Variants in RADIL observed in about 807,000 individuals in gnomAD.
RADIL encodes ras-associating and dilute domain-containing protein.
In RADIL, 99 loss-of-function variants were observed where a neutral mutation model predicts 97.6. That is an observed-to-expected ratio of 1.01 (90% CI 0.86 to 1.20). RADIL has a LOEUF of 1.20. Ranked by LOEUF, RADIL falls within the 50% of genes most tolerant of loss-of-function variation. The pLI is 0.00. For synonymous variants in RADIL, 803 were observed against 691.8 expected (o/e 1.16, Z -2.52); for missense variants, 1,765 against 1,498.9 (o/e 1.18, Z -2.93).
Position 4,832,174 on chromosome 7 carries a change from T to A in RADIL, c.1421A>T (p.Lys474Ile), listed in dbSNP as rs199960409. The change falls in exon 5 of 15, where the codon AAA (lysine) becomes ATA (isoleucine). Residue 474 changes from lysine to isoleucine, a missense_variant. Physicochemically the swap from Lys to Ile is moderately radical, Grantham distance 102 (BLOSUM62 -3). Coordinates refer to ENST00000399583, the MANE Select transcript of RADIL (RefSeq NM_018059.5). ...CTGCTTCTCTGCTAGTTCTTTGGTT[T>A]TCTCCTACAATTACAAAGCGGGAGA... ...ARLIRETVWE[K>I]TKELAEKQAQ... The A allele has an allele frequency of 9.9e-6, 16 of 1,611,850 alleles. No individual in the cohort carries two copies. The African/African-American group carries it at 2.1e-4, about 22-fold the overall frequency.
In RADIL at chr7:4,814,341, C is replaced by A. The variant is rs181884771; in HGVS notation, c.2139+937G>T. On this transcript the variant is annotated intron_variant, in intron 9 of 14. Transcript: ENST00000399583. The surrounding 1 kb of genome is among the most constrained non-coding windows in gnomAD (Gnocchi z 4.5). Reference sequence around the variant, plus strand: ...GCTTCACTTTTTTTTTCTTTTGAGACAGGGCCTCACTTTGTCGCTCAAGGT... The same window carrying A: ...GCTTCACTTTTTTTTTCTTTTGAGAAAGGGCCTCACTTTGTCGCTCAAGGT... Among the ~76,000 whole-genome samples the A allele has an allele frequency of 1.3e-5, 2 of 151,992 alleles. No individual in the cohort carries two copies. The highest frequency in any genetic ancestry group is 4.8e-5 in the African/African-American group (2 of 41,376).
At chr7:4,800,373 A>G in intron 12 of RADIL, 63 bp from the exon 13 acceptor site, 1 of 1,399,086 alleles carries the variant, frequency 7.1e-7, no homozygotes, top group South Asian at 1.5e-5. Context: ...GAGGAATGGG[A>G]TGTCCTGGCC....
chr7:4,812,077 C>T (rs968341567), intron 9 of RADIL, among the ~76,000 whole-genome samples: 2 of 151,772 alleles, frequency 1.3e-5, no homozygotes, highest in Admixed American at 1.3e-4. Flanking sequence ...ATAGGGGTTC[C>T]ACCATGTTGC....
intron 2 of RADIL, chr7:4,838,113 G>T (rs1292397446): frequency 1.1e-6 from 1 of 946,430 alleles, no homozygotes; most frequent in Non-Finnish European, 1.3e-6. Context: ...GTGCGAGGCT[G>T]CTGGGCTGGG....
intron 2 of RADIL, among the ~76,000 whole-genome samples, chr7:4,866,003 G>C (rs1784122714): frequency 6.6e-6 from 1 of 152,162 alleles, no homozygotes; most frequent in Admixed American, 6.5e-5. Flanking sequence ...ATCTAGGTTT[G>C]TGTAAGTCAC....
intron 4 of RADIL, among the ~76,000 whole-genome samples, chr7:4,832,741 CAAAAAAA>C (rs71032992): frequency 2.9e-4 from 19 of 66,518 alleles, no homozygotes; most frequent in Admixed American, 1.9e-3. Flanking sequence ...TCCGTCTCAG[CAAAAAAA>C]AAAAAAAAAA....
chr7:4,861,720 C>T (rs758239625), intron 2 of RADIL: 2 of 1,544,962 alleles, frequency 1.3e-6, no homozygotes, highest in Non-Finnish European at 1.7e-6. Flanking sequence ...TCCTTGGGGA[C>T]CGCTAGACTG....
intron 2 of RADIL, among the ~76,000 whole-genome samples, chr7:4,847,914 G>A (rs921847516): frequency 2.0e-5 from 3 of 152,080 alleles, no homozygotes; most frequent in Non-Finnish European, 4.4e-5. Context: ...AAAACGTGCC[G>A]GCCGGGTGCA....
At chr7:4,809,411 C>G (rs990825577) in intron 9 of RADIL, 245 of 985,334 alleles carry the variant, frequency 2.5e-4, no homozygotes, top group Non-Finnish European at 2.9e-4. Flanking sequence ...TCGCTGCTGC[C>G]TCCTTTCCGT....
chr7:4,882,572 TCTG>T (rs771742243), intron 1 of RADIL, among the ~76,000 whole-genome samples: 2 of 152,140 alleles, frequency 1.3e-5, no homozygotes, highest in Non-Finnish European at 2.9e-5. Context: ...GAGCGACCTC[TCTG>T]CTCCAACAGG....
At chr7:4,812,813 C>A (rs1005381399) in intron 9 of RADIL, among the ~76,000 whole-genome samples, 2 of 152,144 alleles carry the variant, frequency 1.3e-5, no homozygotes, top group African/African-American at 4.8e-5. Context: ...AGCTCTCATC[C>A]GTCATCTCCT....
At chr7:4,829,018 C>G (rs1029666679) in intron 5 of RADIL, among the ~76,000 whole-genome samples, 1 of 152,208 alleles carries the variant, frequency 6.6e-6, no homozygotes, top group Non-Finnish European at 1.5e-5. Context: ...CCCTCCACAC[C>G]CTGCCTCAAC....
At position 4,872,166 on chromosome 7, in the gene RADIL, C is replaced by T. The variant is rs1784271710; in HGVS notation, c.535+5439G>A. On this transcript the variant is annotated intron_variant, in intron 2 of 14. Coordinates refer to ENST00000399583, the MANE Select transcript of RADIL (RefSeq NM_018059.5). This position sits in a 1 kb window ranked among gnomAD's most constrained non-coding sequence, Gnocchi z 5.8. The stretch of plus-strand genomic sequence containing the variant: ...TGGGCAGGGGCTCGTGTGGCCGAGT[C>T]CAGGCAGCCAGGTCCAATACTGCAG... Among the ~76,000 whole-genome samples the T allele has an allele frequency of 6.6e-6, 1 of 152,144 alleles. No homozygotes were observed. The highest frequency in any genetic ancestry group is 1.5e-5 in the Non-Finnish European group (1 of 68,030).
At chr7:4,848,326 G>T (rs1243989255) in intron 2 of RADIL, among the ~76,000 whole-genome samples, 2 of 151,456 alleles carry the variant, frequency 1.3e-5, no homozygotes, top group South Asian at 2.1e-4. Context: ...TAATTTTATG[G>T]TATAAAAATA....
In RADIL at chr7:4,873,378, A is replaced by T. The variant is rs1300643156; in HGVS notation, c.535+4227T>A. Among the ~76,000 whole-genome samples the T allele has an allele frequency of 6.6e-6, 1 of 152,146 alleles. No homozygotes were observed. The highest frequency in any genetic ancestry group is 1.9e-4 in the East Asian group (1 of 5,192). ...ATGCACACCACACAGACACACACAC[A>T]TGGTCACACGTGCACATCACATCAC... On this transcript the variant is annotated intron_variant, in intron 2 of 14. Coordinates refer to ENST00000399583, the MANE Select transcript of RADIL (RefSeq NM_018059.5). This position sits in a 1 kb window ranked among gnomAD's most constrained non-coding sequence, Gnocchi z 4.3.
intron 5 of RADIL, among the ~76,000 whole-genome samples, chr7:4,826,983 C>A (rs566849140): frequency 6.6e-6 from 1 of 152,222 alleles, no homozygotes; most frequent in African/African-American, 2.4e-5. Flanking sequence ...CATGGACGGG[C>A]ATGGAAAAAT....
chr7:4,801,120 A>G (rs1170781537), intron 12 of RADIL, among the ~76,000 whole-genome samples: 1 of 151,956 alleles, frequency 6.6e-6, no homozygotes, highest in Non-Finnish European at 1.5e-5. Flanking sequence ...AATGCACACC[A>G]TGCAGACACA....
rs554101641 is a variant in RADIL, at chr7:4,827,518, G to A, written c.1454+4623C>T. Among the ~76,000 whole-genome samples, 400 of 151,864 alleles carry A rather than the reference G, an allele frequency of 2.6e-3. 2 individuals are homozygous for A. The highest frequency in any genetic ancestry group is 0.021 in the South Asian group (103 of 4,806). ...CTACTAAAAATACAAAAAATTAGCC[G>A]GGCGTGGTTGCAGGCGCCTGTAGTC... On this transcript the variant is annotated intron_variant, in intron 5 of 14. Coordinates refer to ENST00000399583, the MANE Select transcript of RADIL (RefSeq NM_018059.5).
rs1451560588 is a variant in RADIL at position 4,878,147 on chromosome 7, G to A, written c.-8C>T. Reference sequence around the variant, plus strand: ...GTGCGTCCCATAAAACATGGTGGGTGAGGCTTCATGGATGAGGACTGTGGG... The same window carrying A: ...GTGCGTCCCATAAAACATGGTGGGTAAGGCTTCATGGATGAGGACTGTGGG... On this transcript the variant is annotated 5_prime_UTR_variant, in exon 2 of 15. Coordinates refer to ENST00000399583, the MANE Select transcript of RADIL (RefSeq NM_018059.5). This position sits in a 1 kb window ranked among gnomAD's most constrained non-coding sequence, Gnocchi z 4.1. 1.3e-6 allele frequency: 2 copies of A among 1,534,296 alleles called. No homozygotes were observed. The highest frequency in any genetic ancestry group is 2.0e-5 in the Admixed American group (1 of 50,316).
Sources: gnomAD v4.1 joint callset for allele counts (sites outside exome capture counted in the v4.1 genomes callset) on GRCh38, gnomAD v4.1.1 for gene constraint, Gnocchi (gnomAD v3.1) non-coding constraint, MANE v1.5 for transcripts, NCBI Gene and HGNC (gene_info 2026-07-23, HGNC 2026-07-21) for gene names.